MOCOS: variants seen among roughly 807,000 people sequenced by gnomAD.
MOCOS encodes the protein molybdenum cofactor sulfurase, also known as human molybdenum cofactor sulfurase.
Under a neutral mutation model 83.6 loss-of-function variants are expected in MOCOS, and 86 were observed. The ratio of observed to expected loss-of-function variants is 1.03; its 90% CI spans 0.86 to 1.23. The LOEUF (loss-of-function observed/expected upper bound fraction) is 1.23. MOCOS is among the 50% of genes most tolerant of loss of function. MOCOS has a pLI of 0.00. For missense variants in MOCOS, 1,120 were observed against 1,126.9 expected, an observed-to-expected ratio of 0.99 and a Z score of 0.09; for synonymous variants, 445 against 434.7, an observed-to-expected ratio of 1.02 and a Z score of -0.29.
chr18:36,214,174 G>A (rs1463706571), intron 7 of MOCOS, among the ~76,000 whole-genome samples: 7 of 147,978 alleles, frequency 4.7e-5, no homozygotes, highest in Non-Finnish European at 8.9e-5. Flanking sequence ...CCGGGAGGTC[G>A]AGGTTGTGGT....
intron 13 of MOCOS, among the ~76,000 whole-genome samples, chr18:36,265,101 T>C (rs570293149): frequency 6.6e-5 from 10 of 152,294 alleles, no homozygotes; most frequent in Admixed American, 5.2e-4. Context: ...ACAGCCAGAA[T>C]TGGCATCAGT....
intron 13 of MOCOS, among the ~76,000 whole-genome samples, chr18:36,263,576 G>T (rs1315653853): frequency 1.3e-5 from 2 of 152,176 alleles, no homozygotes; most frequent in Non-Finnish European, 2.9e-5. Flanking sequence ...ATACACAGTT[G>T]TATGCAGTTA....
intron 11 of MOCOS, among the ~76,000 whole-genome samples, chr18:36,256,145 G>A (rs2091640782): frequency 6.6e-6 from 1 of 152,120 alleles, no homozygotes. Flanking sequence ...TCCTGCCTCG[G>A]CCTCCCAAAG....
At chr18:36,228,905 G>T (rs1440182331) in intron 9 of MOCOS, among the ~76,000 whole-genome samples, 3 of 149,978 alleles carry the variant, frequency 2.0e-5, no homozygotes, top group Middle Eastern at 3.2e-3. Flanking sequence ...CTGGCCTCAA[G>T]AAATCCTTCT....
intron 6 of MOCOS, among the ~76,000 whole-genome samples, chr18:36,212,489 G>A (rs1294898052): frequency 6.6e-6 from 1 of 152,174 alleles, no homozygotes; most frequent in Non-Finnish European, 1.5e-5. Flanking sequence ...TCACCTTAGA[G>A]CTGGGAAACT....
At chr18:36,217,481 T>G (rs2144918846) in intron 8 of MOCOS, among the ~76,000 whole-genome samples, 1 of 152,282 alleles carries the variant, frequency 6.6e-6, no homozygotes, top group South Asian at 2.1e-4. Flanking sequence ...CAGGGACATC[T>G]ATGACTAGTT....
intron 5 of MOCOS, 40 bp downstream of exon 5, chr18:36,203,229 T>G (rs746352927): frequency 1.0e-5 from 16 of 1,580,540 alleles, no homozygotes; most frequent in Non-Finnish European, 1.4e-5. Context: ...TTGCTCCTGT[T>G]GTGTCCTTGA....
chr18:36,206,321 A>T (rs549091838), intron 6 of MOCOS, among the ~76,000 whole-genome samples: 1 of 133,224 alleles, frequency 7.5e-6, no homozygotes, highest in African/African-American at 2.9e-5. Flanking sequence ...ATCTCAGCTC[A>T]CTGCAACCTC....
chr18:36,194,206 T>TTGG (rs10642142), intron 1 of MOCOS, among the ~76,000 whole-genome samples: 151,371 of 152,226 alleles, frequency 0.99, 75,268 homozygotes, highest in East Asian at 1. Context: ...TATTCTAAAA[T>TTGG]TGGTATTTAT....
rs746274063 is a variant in MOCOS, at chr18:36,205,104, C to A, written c.1046C>A (p.Thr349Asn). The A allele has an allele frequency of 1.4e-5, 22 of 1,613,000 alleles. No individual in the cohort carries two copies. Among genetic ancestry groups the A allele is most frequent in the Non-Finnish European group, 1.8e-5 (21 of 1,179,480 alleles). Reference sequence around the variant, plus strand: ...GGAATGGAGAATATAAAGCAGCACACCTTCACCTTGGCTCAGTATACCTAC... The same window carrying A: ...GGAATGGAGAATATAAAGCAGCACAACTTCACCTTGGCTCAGTATACCTAC... ...TGGMENIKQHTFTLAQYTYVA... is the reference protein window; with the variant it reads ...TGGMENIKQHNFTLAQYTYVA... The change falls in exon 6 of 15, where the codon ACC (threonine) becomes AAC (asparagine). Residue 349 changes from threonine to asparagine, a missense_variant. Thr to Asn is a moderately conservative substitution (Grantham distance 65, BLOSUM62 0). Coordinates refer to ENST00000261326, the MANE Select transcript of MOCOS (RefSeq NM_017947.4).
At chr18:36,197,757 G>A (rs1025733341) in intron 2 of MOCOS, among the ~76,000 whole-genome samples, 21 of 152,078 alleles carry the variant, frequency 1.4e-4, no homozygotes, top group African/African-American at 4.8e-4. Flanking sequence ...GGGTGATAGA[G>A]TAAGATTGTG....
rs371165422 is a variant in MOCOS, at chr18:36,224,731, T to C, written c.1960+4514T>C. Among the ~76,000 whole-genome samples, 9 of 152,344 alleles carry C rather than the reference T, an allele frequency of 5.9e-5. No individual in the cohort carries two copies. The South Asian group carries it at 1.9e-3, about 32-fold the overall frequency. ...ATTCGTCAGGGATATTGGCCTGCAG[T>C]TGTCTTTGCCTGCCTTTAGTATCAA... On this transcript the variant is annotated intron_variant, in intron 9 of 14. Transcript: ENST00000261326.
At chr18:36,262,200 TA>T (rs1235497719) in intron 13 of MOCOS, among the ~76,000 whole-genome samples, 1 of 145,046 alleles carries the variant, frequency 6.9e-6, no homozygotes, top group African/African-American at 2.6e-5. Context: ...AAAATAAGTA[TA>T]AAATTATTTT....
intron 1 of MOCOS, among the ~76,000 whole-genome samples, chr18:36,194,807 T>C (rs2091380954): frequency 1.3e-5 from 2 of 152,362 alleles, no homozygotes; most frequent in South Asian, 2.1e-4. Context: ...GGATGGATCA[T>C]TTGCATTCCT....
chr18:36,263,897 C>T (rs754238952), intron 13 of MOCOS, among the ~76,000 whole-genome samples: 5 of 152,054 alleles, frequency 3.3e-5, no homozygotes, highest in Admixed American at 6.5e-5. Context: ...GTGTTTGGGG[C>T]TGGGTGCGGT....
intron 9 of MOCOS, among the ~76,000 whole-genome samples, chr18:36,236,642 A>T (rs1247624064): frequency 7.4e-6 from 1 of 135,638 alleles, no homozygotes; most frequent in East Asian, 2.0e-4. Flanking sequence ...TATGAACTTT[A>T]AAGTAGTTTT....
At chr18:36,267,708 C>T (rs2091686287) in intron 14 of MOCOS, among the ~76,000 whole-genome samples, 1 of 152,098 alleles carries the variant, frequency 6.6e-6, no homozygotes, top group Non-Finnish European at 1.5e-5. Context: ...TGAGCCTGCA[C>T]CATGCAGGTT....
At chr18:36,214,260 AAAG>A (rs1327421833) in intron 7 of MOCOS, among the ~76,000 whole-genome samples, 7,054 of 43,656 alleles carry the variant, frequency 0.16, 299 homozygotes, top group Admixed American at 0.36. Context: ...AAAAAAAAAA[AAAG>A]AAAAGAAAAA....
At chr18:36,258,586 C>G (rs58571470) in intron 12 of MOCOS, among the ~76,000 whole-genome samples, 16,510 of 152,026 alleles carry the variant, frequency 0.11, 955 homozygotes, top group African/African-American at 0.14. Flanking sequence ...GAGATTGGGA[C>G]TCCTCCTTCC....
Sources: gnomAD v4.1 joint callset for allele counts (sites outside exome capture counted in the v4.1 genomes callset) on GRCh38, gnomAD v4.1.1 for gene constraint, MANE v1.5 for transcripts, NCBI Gene and HGNC (gene_info 2026-07-23, HGNC 2026-07-21) for gene names.